Variants in PIEZO2 observed in about 807,000 individuals in gnomAD.
PIEZO2 encodes the protein piezo-type mechanosensitive ion channel component 2.
PIEZO2 carries 172 observed loss-of-function variants against 337.3 expected under a neutral mutation model. The observed-to-expected ratio is 0.51, with a 90% CI of 0.45 to 0.58. The LOEUF is 0.58. Ranked by LOEUF, PIEZO2 falls within the 20% of genes least tolerant of loss-of-function variation. PIEZO2 has a pLI of 0.00. For synonymous variants in PIEZO2, 1,251 were observed against 1,228.5 expected, an observed-to-expected ratio of 1.02 and a Z score of -0.38; for missense variants, 3,028 against 3,391.3, an observed-to-expected ratio of 0.89 and a Z score of 2.66.
rs911781751 is a variant in PIEZO2, at chr18:10,833,673, C to A, written c.917+21680G>T. On this transcript the variant is annotated intron_variant, in intron 7 of 55. Coordinates refer to ENST00000674853, the MANE Select transcript of PIEZO2 (RefSeq NM_001378183.1). This position sits in a 1 kb window ranked among gnomAD's most constrained non-coding sequence, Gnocchi z 4.7. ...ATCTGTGTCTACCCGCAGGCTTCAC[C>A]CAAGCCCTCTCAGCTTCTCATATCT... Among the ~76,000 whole-genome samples, 2 of 152,324 alleles carry A rather than the reference C, an allele frequency of 1.3e-5. No homozygotes were observed. The highest frequency in any genetic ancestry group is 6.5e-5 in the Admixed American group (1 of 15,302).
intron 5 of PIEZO2, among the ~76,000 whole-genome samples, chr18:10,857,558 A>G (rs1040980588): frequency 2.0e-5 from 3 of 152,216 alleles, no homozygotes; most frequent in South Asian, 4.1e-4. Flanking sequence ...TCAAATTTAC[A>G]GAGTTGGCCA....
At position 10,825,550 on chromosome 18, in the gene PIEZO2, C is replaced by CTTTTTTT. The variant is rs57159292; in HGVS notation, c.918-18283_918-18277dup. ...TTTTTCCACTTTCTTTCCTTTCTTC[C>CTTTTTTT]TTTTTTTTTTTTTTTTTTGAGACAG... On this transcript the variant is annotated intron_variant, in intron 7 of 55. Transcript: ENST00000674853. Among the ~76,000 whole-genome samples the CTTTTTTT allele has an allele frequency of 2.5e-4, 29 of 113,832 alleles. 1 individual carries two copies. Among genetic ancestry groups the CTTTTTTT allele is most frequent in the African/African-American group, 9.8e-4 (27 of 27,458 alleles). 74.7% of individuals were successfully genotyped at this position (113,832 alleles called of 152,430 possible).
In PIEZO2 at chr18:10,894,342, T is replaced by C. The variant is rs2042837041; in HGVS notation, c.329+16844A>G. ...GGTGGTGGACGCCTGTAATCCCAACTACTTGGGAGGCTGAGGCAGGAAAAT... is the reference window on the plus strand; with the variant it reads ...GGTGGTGGACGCCTGTAATCCCAACCACTTGGGAGGCTGAGGCAGGAAAAT... On this transcript the variant is annotated intron_variant, in intron 4 of 55. Coordinates refer to ENST00000674853, the MANE Select transcript of PIEZO2 (RefSeq NM_001378183.1). This position sits in a 1 kb window ranked among gnomAD's most constrained non-coding sequence, Gnocchi z 4.1. 6.6e-6 allele frequency among the ~76,000 whole-genome samples: 1 copy of C among 151,960 alleles called. No homozygotes were observed. The highest frequency in any genetic ancestry group is 6.6e-5 in the Admixed American group (1 of 15,250).
intron 45 of PIEZO2, 91 bp from the exon 46 acceptor site, chr18:10,696,630 C>A (rs753248897): frequency 7.7e-6 from 11 of 1,425,426 alleles, no homozygotes; most frequent in Non-Finnish European, 1.1e-5. Flanking sequence ...TGCCACTCCT[C>A]TGCATTCCTC....
chr18:10,795,061 C>G lies in PIEZO2; in HGVS notation c.1528-59G>C. ...TCAATACAATGCTCAGTCCCCCCCG[C>G]CCTGGTAAGGTAAAAACTATCTAAA... On this transcript the variant is annotated intron_variant, in intron 12 of 55. Transcript: ENST00000674853. The surrounding 1 kb of genome is among the most constrained non-coding windows in gnomAD (Gnocchi z 4.4). 1 of 1,365,872 alleles carries G rather than the reference C, an allele frequency of 7.3e-7. No individual in the cohort carries two copies. Among genetic ancestry groups the G allele is most frequent in the South Asian group, 1.3e-5 (1 of 78,954 alleles). 84.6% of individuals were successfully genotyped at this position (1,365,872 alleles called of 1,614,324 possible).
At chr18:11,046,858 G>A (rs1358177809) in intron 2 of PIEZO2, among the ~76,000 whole-genome samples, 2 of 152,240 alleles carry the variant, frequency 1.3e-5, no homozygotes, top group Non-Finnish European at 2.9e-5. Flanking sequence ...GGCTGAGGAA[G>A]GTGGAAGAGG....
chr18:10,701,278 G>A (rs755180508), intron 43 of PIEZO2, among the ~76,000 whole-genome samples: 23 of 152,188 alleles, frequency 1.5e-4, no homozygotes, highest in Non-Finnish European at 3.1e-4. Flanking sequence ...ATTAAATGGC[G>A]TATTTACAAG....
chr18:10,880,178 A>AT (rs1441918483), intron 4 of PIEZO2, among the ~76,000 whole-genome samples: 2 of 152,004 alleles, frequency 1.3e-5, no homozygotes, highest in African/African-American at 4.8e-5. Context: ...AATATGAAAG[A>AT]TACTACACCA....
chr18:11,045,508 C>T (rs1473630763), intron 2 of PIEZO2, among the ~76,000 whole-genome samples: 6 of 152,134 alleles, frequency 3.9e-5, no homozygotes, highest in Middle Eastern at 3.4e-3. Context: ...CATTTTAAAC[C>T]GTGAAATCAC....
intron 4 of PIEZO2, among the ~76,000 whole-genome samples, chr18:10,901,430 G>GCACA (rs34887184): frequency 0.012 from 1,846 of 147,958 alleles, 20 homozygotes; most frequent in African/African-American, 0.027. Context: ...ACACACACAC[G>GCACA]CACACACACA....
chr18:10,923,050 T>C (rs2031523750), intron 3 of PIEZO2, among the ~76,000 whole-genome samples: 1 of 152,150 alleles, frequency 6.6e-6, no homozygotes, highest in Admixed American at 6.5e-5. Context: ...TCTGTCTCTT[T>C]CTCAAAAAAG....
intron 23 of PIEZO2, among the ~76,000 whole-genome samples, chr18:10,761,432 G>A (rs2038128389): frequency 6.6e-6 from 1 of 152,200 alleles, no homozygotes; most frequent in Admixed American, 6.5e-5. Context: ...GTTCAGCCTT[G>A]TTTGCAGCCA....
chr18:10,767,017 C>T lies in PIEZO2; in HGVS notation c.2946+3131G>A, dbSNP rs2038393816. Among the ~76,000 whole-genome samples the T allele has an allele frequency of 6.9e-6, 1 of 145,656 alleles. No homozygotes were observed. ...CCCCTCCCCTCCCCTCCCCTTCCCT[C>T]CCCTCCCCTTCCCTTCCTTCTCCAA... On this transcript the variant is annotated intron_variant, in intron 21 of 55. Coordinates refer to ENST00000674853, the MANE Select transcript of PIEZO2 (RefSeq NM_001378183.1). This position sits in a 1 kb window ranked among gnomAD's most constrained non-coding sequence, Gnocchi z 4.2.
chr18:10,980,153 A>T lies in PIEZO2; in HGVS notation c.161-493T>A, dbSNP rs1160745680. Among the ~76,000 whole-genome samples the T allele has an allele frequency of 3.9e-5, 6 of 151,906 alleles. No homozygotes were observed. Among genetic ancestry groups the T allele is most frequent in the Non-Finnish European group, 7.4e-5 (5 of 67,970 alleles). The stretch of plus-strand genomic sequence containing the variant: ...AACATAGATATGAATTATTTTTTTT[A>T]AATGTGTTAACCAACTGAAATAGCA... On this transcript the variant is annotated intron_variant, in intron 2 of 55. Transcript: ENST00000674853. This position sits in a 1 kb window ranked among gnomAD's most constrained non-coding sequence, Gnocchi z 4.8.
chr18:10,692,498 C>G (rs917154440), intron 47 of PIEZO2, among the ~76,000 whole-genome samples: 1 of 139,016 alleles, frequency 7.2e-6, no homozygotes, highest in Non-Finnish European at 1.6e-5. Context: ...TTCTTTCTCT[C>G]TCTCTCACCC....
At chr18:11,081,600 G>C (rs1433311114) in intron 1 of PIEZO2, among the ~76,000 whole-genome samples, 1 of 152,152 alleles carries the variant, frequency 6.6e-6, no homozygotes, top group Non-Finnish European at 1.5e-5. Context: ...CTCAGCCAGA[G>C]GGACCGAGTT....
rs946313917 is a variant in PIEZO2 at position 10,861,904 on chromosome 18, G to A, written c.493-4693C>T. 4.6e-5 allele frequency among the ~76,000 whole-genome samples: 7 copies of A among 152,060 alleles called. No individual in the cohort carries two copies. The highest frequency in any genetic ancestry group is 1.2e-4 in the African/African-American group (5 of 41,402). On this transcript the variant is annotated intron_variant, in intron 5 of 55. Coordinates refer to ENST00000674853, the MANE Select transcript of PIEZO2 (RefSeq NM_001378183.1). The surrounding 1 kb of genome is among the most constrained non-coding windows in gnomAD (Gnocchi z 4.3). The stretch of plus-strand genomic sequence containing the variant: ...ATGGTGGCGCACGCCTGTAATCCCA[G>A]CTACTCAGGAAGCTGAGGCAGGAGA...
Position 10,671,720 on chromosome 18 carries a change from A to G in PIEZO2, c.8405T>C (p.Phe2802Ser), listed in dbSNP as rs772368682. ...CATGATGGAGTGAGAAATCCCACTGAAGAATTCACGGACAAATTTCCCAAT... is the reference window on the plus strand; with the variant it reads ...CATGATGGAGTGAGAAATCCCACTGGAGAATTCACGGACAAATTTCCCAAT... ...LVIGKFVREF[F>S]SGISHSIMFE... is the part of the protein sequence containing the mutation. Residue 2802 changes from phenylalanine (F) to serine (S), a missense_variant, in exon 56 of 56, where the codon TTC becomes TCC. By Grantham distance (155) the Phe-to-Ser change is radical. Coordinates refer to ENST00000674853, the MANE Select transcript of PIEZO2 (RefSeq NM_001378183.1). 1 of 1,613,990 alleles carries G rather than the reference A, an allele frequency of 6.2e-7. No individual in the cohort carries two copies. The highest frequency in any genetic ancestry group is 8.5e-7 in the Non-Finnish European group (1 of 1,179,934).
Position 10,813,147 on chromosome 18 carries a change from G to A in PIEZO2, c.918-5873C>T, listed in dbSNP as rs762445254. 6.6e-6 allele frequency among the ~76,000 whole-genome samples: 1 copy of A among 151,840 alleles called. No individual in the cohort carries two copies. Among genetic ancestry groups the A allele is most frequent in the African/African-American group, 2.4e-5 (1 of 41,342 alleles). ...GGCACGCGCCACCACGCTCAGCTAA[G>A]TTTTTGTATTTTTAGTAGAGAAGGG... On this transcript the variant is annotated intron_variant, in intron 7 of 55. Coordinates refer to ENST00000674853, the MANE Select transcript of PIEZO2 (RefSeq NM_001378183.1). This position sits in a 1 kb window ranked among gnomAD's most constrained non-coding sequence, Gnocchi z 4.2.
Sources: allele counts gnomAD v4.1 joint callset (sites outside exome capture counted in the v4.1 genomes callset), GRCh38; gene constraint gnomAD v4.1.1; non-coding constraint Gnocchi (gnomAD v3.1); transcripts MANE v1.5; gene names NCBI Gene and HGNC (gene_info 2026-07-23, HGNC 2026-07-21).